HK1: variants seen among roughly 807,000 people sequenced by gnomAD.
HK1 encodes hexokinase-1.
A neutral mutation model predicts 91.6 loss-of-function variants in HK1; 28 were observed. The observed-to-expected ratio is 0.31, with a 90% CI of 0.23 to 0.42. The LOEUF is 0.42. HK1 is among the 10% of genes least tolerant of loss of function. The pLI is 1.00. For missense variants in HK1, 770 were observed against 1,219.8 expected (o/e 0.63, Z 5.49); for synonymous variants, 430 against 468.1 (o/e 0.92, Z 1.05).
intron 14 of HK1, 183 bp downstream of exon 14, chr10:69,389,479 TG>T (rs71471543): frequency 3.0e-5 from 6 of 196,906 alleles, no homozygotes; most frequent in Non-Finnish European, 6.2e-5. Flanking sequence ...CGGGGGGAGG[TG>T]GGGGGGCCTT....
At chr10:69,388,649 G>T (rs1380289693) in intron 13 of HK1, among the ~76,000 whole-genome samples, 1 of 152,136 alleles carries the variant, frequency 6.6e-6, no homozygotes, top group Non-Finnish European at 1.5e-5. Context: ...ATTGCATTTA[G>T]ATCAACCTCA....
At chr10:69,373,704 C>T (rs1188593511) in intron 7 of HK1, among the ~76,000 whole-genome samples, 4 of 151,958 alleles carry the variant, frequency 2.6e-5, no homozygotes, top group Non-Finnish European at 5.9e-5. Flanking sequence ...GATCCTCCTG[C>T]CTCAGCCTCC....
chr10:69,384,568 G>A (rs2305196), intron 11 of HK1, 87 bp downstream of exon 11: 424,557 of 1,543,532 alleles, frequency 0.28, 61,677 homozygotes, highest in East Asian at 0.52. Context: ...CCGCCACGGG[G>A]TGCCCACATG....
intron 4 of HK1, among the ~76,000 whole-genome samples, chr10:69,365,669 G>A (rs1374562760): frequency 6.6e-6 from 1 of 152,084 alleles, no homozygotes; most frequent in Non-Finnish European, 1.5e-5. Flanking sequence ...CTTAAGTCCA[G>A]GAGTTCAAGA....
At chr10:69,355,942 A>G (rs1174227935) in intron 2 of HK1, among the ~76,000 whole-genome samples, 5 of 152,188 alleles carry the variant, frequency 3.3e-5, no homozygotes, top group African/African-American at 1.2e-4. Flanking sequence ...AAAAGAATGA[A>G]GTTTGACCTA....
chr10:69,309,063 A>G (rs1052107321), intron 5 of HK1, among the ~76,000 whole-genome samples: 4 of 152,148 alleles, frequency 2.6e-5, no homozygotes, highest in Non-Finnish European at 5.9e-5. Flanking sequence ...TAATTCCAGC[A>G]CTTTGGAAGG....
At chr10:69,288,783 G>GTTTC (rs760948532) in intron 3 of HK1, 317 of 1,611,630 alleles carry the variant, frequency 2.0e-4, no homozygotes, top group Non-Finnish European at 2.3e-4. Context: ...AAGCTCTGGT[G>GTTTC]TTTCTTTCTT....
chr10:69,331,348 G>A (rs934946156), intron 1 of HK1, among the ~76,000 whole-genome samples: 6 of 152,238 alleles, frequency 3.9e-5, no homozygotes, highest in East Asian at 1.9e-4. Context: ...GCTACTGCGT[G>A]TTCTACATTT....
chr10:69,316,013 G>C (rs1424019538), upstream of HK1: 3 of 1,613,784 alleles, frequency 1.9e-6, no homozygotes, highest in Non-Finnish European at 2.5e-6. Flanking sequence ...TGGGAGATTG[G>C]GGTGAGTAGC....
intron 7 of HK1, among the ~76,000 whole-genome samples, chr10:69,371,784 G>A (rs1051336493): frequency 1.3e-5 from 2 of 152,096 alleles, no homozygotes; most frequent in African/African-American, 4.8e-5. Context: ...ACTATAAACT[G>A]TGTTTACAGT....
rs1488178091 is a variant in HK1 at position 69,394,982 on chromosome 10, G to C, written c.2252G>C (p.Gly751Ala). 6.2e-7 allele frequency: 1 copy of C among 1,614,042 alleles called. No individual in the cohort carries two copies. Among genetic ancestry groups the C allele is most frequent in the East Asian group, 2.2e-5 (1 of 44,894 alleles). The change falls in exon 16 of 18, where the codon GGT becomes GCT. Residue 751 changes from glycine to alanine, a missense_variant. By Grantham distance (60) the Gly-to-Ala change is moderately conservative (BLOSUM62 0). Transcript: ENST00000359426. The part of the protein sequence containing the change: ...YEKMISGMYL[G>A]EIVRNILIDF... ...AAGATGATCAGTGGTATGTACCTGG[G>C]TGAAATCGTCCGCAACATCTTAATC...
At chr10:69,300,393 C>T in intron 4 of HK1, 2 of 569,434 alleles carry the variant, frequency 3.5e-6, no homozygotes, top group Non-Finnish European at 6.2e-6. Flanking sequence ...GCTTTTTTTT[C>T]ATGAGGCATT....
intron 16 of HK1, among the ~76,000 whole-genome samples, chr10:69,396,261 ACT>A (rs199872877): frequency 0.028 from 3,997 of 145,028 alleles, 96 homozygotes; most frequent in Middle Eastern, 0.04. Context: ...ACAGAGACAG[ACT>A]CTGTCTCAAA....
At chr10:69,346,796 G>A (rs909184587) in intron 2 of HK1, among the ~76,000 whole-genome samples, 2 of 151,936 alleles carry the variant, frequency 1.3e-5, no homozygotes, top group African/African-American at 4.8e-5. Flanking sequence ...AATAAAGAAG[G>A]AAAATATTGA....
chr10:69,319,066 C>G, intron 1 of HK1, 56 bp downstream of exon 1: 1 of 1,547,412 alleles, frequency 6.5e-7, no homozygotes, highest in Non-Finnish European at 8.7e-7. Context: ...GTTCCGGCAT[C>G]CGCTCGCCGC....
chr10:69,361,734 T>C (rs1849429348), intron 3 of HK1, among the ~76,000 whole-genome samples: 1 of 152,234 alleles, frequency 6.6e-6, no homozygotes, highest in African/African-American at 2.4e-5. Flanking sequence ...TGTCTCTGTT[T>C]CTTCCTCTCC....
Position 69,302,438 on chromosome 10 carries a change from G to C in HK1, c.27+1577G>C, listed in dbSNP as rs192007227. ...CGCCCAGGCTGGAGTGCAGTGGTGC[G>C]ATCTCAGCTCACTGCAATCTCCGCC... On this transcript the variant is annotated intron_variant, in intron 5 of 21. Coordinates refer to the HK1 transcript ENST00000360289. Among the ~76,000 whole-genome samples the C allele has an allele frequency of 2.7e-3, 389 of 146,092 alleles. 1 individual carries two copies. The highest frequency in any genetic ancestry group is 0.018 in the Middle Eastern group (5 of 282).
rs377267656 is a variant in HK1 at position 69,276,429 on chromosome 10, C to T, written c.-390-6100C>T. On this transcript the variant is annotated intron_variant, in intron 1 of 21. Transcript: ENST00000360289. The stretch of plus-strand genomic sequence containing the variant: ...ATCCCAGCACTTTGGGAGGCCGAGG[C>T]GGGTGGATCACCTGAGGTTGTGAGT... Among the ~76,000 whole-genome samples the T allele has an allele frequency of 8.4e-4, 127 of 151,736 alleles. 3 individuals carry two copies. In the South Asian group the frequency reaches 0.025, roughly 30 times the overall value.
chr10:69,395,405 G>A (rs376295555), intron 16 of HK1, among the ~76,000 whole-genome samples: 15 of 151,846 alleles, frequency 9.9e-5, no homozygotes, highest in African/African-American at 3.6e-4. Flanking sequence ...GGTGAAACCC[G>A]ATCTCTACTA....
Sources: allele counts gnomAD v4.1 joint callset (sites outside exome capture counted in the v4.1 genomes callset), GRCh38; gene constraint gnomAD v4.1.1; transcripts MANE v1.5; gene names NCBI Gene and HGNC (gene_info 2026-07-23, HGNC 2026-07-21).